NRG3: variants seen among roughly 807,000 people sequenced by gnomAD.
NRG3 encodes pro-neuregulin-3, membrane-bound isoform.
Under a neutral mutation model 66.9 loss-of-function variants are expected in NRG3, and 31 were observed. The ratio of observed to expected loss-of-function variants is 0.46; its 90% CI spans 0.35 to 0.63. The LOEUF is 0.63. Ranked by LOEUF, NRG3 falls within the 20% of genes least tolerant of loss-of-function variation. The pLI, the probability that NRG3 is intolerant of heterozygous loss-of-function variation, is 0.00. For missense variants in NRG3, 910 were observed against 878.9 expected (o/e 1.04, Z -0.45); for synonymous variants, 393 against 359.4 (o/e 1.09, Z -1.06).
intron 1 of NRG3, among the ~76,000 whole-genome samples, chr10:81,901,497 G>A (rs1163503860): frequency 4.6e-5 from 7 of 151,940 alleles, no homozygotes; most frequent in South Asian, 4.1e-4. Context: ...GCGAGATGCC[G>A]TCTCTACAAA....
intron 2 of NRG3, among the ~76,000 whole-genome samples, chr10:82,629,272 T>G (rs2049643555): frequency 6.6e-6 from 1 of 152,132 alleles, no homozygotes; most frequent in African/African-American, 2.4e-5. Context: ...TGAAGTCCAT[T>G]AAGGGATTCA....
At position 82,282,251 on chromosome 10, in the gene NRG3, TTTA is replaced by T. The variant is rs1404063745; in HGVS notation, c.824-76485_824-76483del. ...ACATTTTAATTTTGAAAACATTACATTTATTTATTTATTTATTTATTTATTTAT... is the reference window on the plus strand; with the variant it reads ...ACATTTTAATTTTGAAAACATTACATTTTATTTATTTATTTATTTATTTAT... On this transcript the variant is annotated intron_variant, in intron 1 of 8. Transcript: ENST00000372141. Among the ~76,000 whole-genome samples, 5 of 6,190 alleles carry T rather than the reference TTTA, an allele frequency of 8.1e-4. No homozygotes were observed. The African/African-American group carries it at 0.03, about 37-fold the overall frequency. 4.1% of individuals were successfully genotyped at this position (6,190 alleles called of 152,430 possible). A position where few individuals can be genotyped will look rare whatever the true frequency, so the allele number is the denominator to read the frequency against.
intron 1 of NRG3, among the ~76,000 whole-genome samples, chr10:82,002,716 C>T (rs750421249): frequency 6.6e-6 from 1 of 152,184 alleles, no homozygotes; most frequent in Admixed American, 6.5e-5. Flanking sequence ...TCACAAATAG[C>T]TGTCATACAA....
chr10:82,070,193 T>A (rs1480660270), intron 1 of NRG3, among the ~76,000 whole-genome samples: 1 of 152,120 alleles, frequency 6.6e-6, no homozygotes, highest in East Asian at 1.9e-4. Context: ...CAGAGTGATC[T>A]CCCTGTCTCC....
At chr10:82,969,288 T>C (rs920467621) in intron 6 of NRG3, among the ~76,000 whole-genome samples, 4 of 152,240 alleles carry the variant, frequency 2.6e-5, no homozygotes, top group Non-Finnish European at 5.9e-5. Context: ...ATATGTCTTT[T>C]ATATCCCTCA....
chr10:82,205,833 C>T (rs2133559472), intron 1 of NRG3, among the ~76,000 whole-genome samples: 1 of 152,308 alleles, frequency 6.6e-6, no homozygotes, highest in East Asian at 1.9e-4. Flanking sequence ...CACATGTACT[C>T]CTTCAACTCC....
rs1398137062 is a variant in NRG3 at position 82,193,413 on chromosome 10, G to A, written c.824-165326G>A. ...CTGCCTCGACCTCCCAAAGTGCTGG[G>A]ATTACAGAAGTGAGCTACAATGCCA... is the stretch of plus-strand genomic sequence containing the variant. On this transcript the variant is annotated intron_variant, in intron 1 of 8. Transcript: ENST00000372141. Among the ~76,000 whole-genome samples, 3 of 152,270 alleles carry A rather than the reference G, an allele frequency of 2.0e-5. No homozygotes were observed. In the East Asian group the frequency reaches 5.8e-4, roughly 29 times the overall value.
intron 1 of NRG3, among the ~76,000 whole-genome samples, chr10:81,995,728 A>G (rs1246496058): frequency 6.6e-6 from 1 of 152,142 alleles, no homozygotes; most frequent in Non-Finnish European, 1.5e-5. Context: ...GTTGGGGTGA[A>G]TGATAGACCA....
chr10:82,913,796 G>C, intron 4 of NRG3, among the ~76,000 whole-genome samples: 1 of 152,204 alleles, frequency 6.6e-6, no homozygotes, highest in East Asian at 1.9e-4. Flanking sequence ...TATTTTCCAT[G>C]GTTGGTATTC....
chr10:82,224,625 A>G (rs1331076884), intron 1 of NRG3, among the ~76,000 whole-genome samples: 1 of 152,208 alleles, frequency 6.6e-6, no homozygotes, highest in Non-Finnish European at 1.5e-5. Flanking sequence ...ATGATGCAAG[A>G]CATGAAAAGC....
chr10:82,104,529 G>C (rs1200433726), intron 1 of NRG3, among the ~76,000 whole-genome samples: 1 of 152,246 alleles, frequency 6.6e-6, no homozygotes, highest in South Asian at 2.1e-4. Context: ...CAGTAAAACT[G>C]TTCTTAGACA....
At chr10:82,164,639 AG>A (rs1564623592) in intron 1 of NRG3, among the ~76,000 whole-genome samples, 2 of 152,246 alleles carry the variant, frequency 1.3e-5, no homozygotes, top group Non-Finnish European at 1.5e-5. Context: ...TGCAAGTAGC[AG>A]GGGGGAGATT....
chr10:81,884,440 G>T (rs1292071877), intron 1 of NRG3, among the ~76,000 whole-genome samples: 1 of 152,090 alleles, frequency 6.6e-6, no homozygotes, highest in Non-Finnish European at 1.5e-5. Context: ...TTTAAGTTTT[G>T]TTGATATGTA....
intron 1 of NRG3, among the ~76,000 whole-genome samples, chr10:81,924,037 A>T (rs1846525882): frequency 6.6e-6 from 1 of 152,222 alleles, no homozygotes; most frequent in South Asian, 2.1e-4. Flanking sequence ...TGGACAGGAT[A>T]CAGGCAGGTG....
chr10:82,538,028 A>T (rs2043278548), intron 2 of NRG3, among the ~76,000 whole-genome samples: 1 of 152,172 alleles, frequency 6.6e-6, no homozygotes, highest in African/African-American at 2.4e-5. Flanking sequence ...GGAATTTATG[A>T]GGAAAGAATG....
chr10:82,059,843 C>G (rs1457088270), intron 1 of NRG3, among the ~76,000 whole-genome samples: 1 of 152,148 alleles, frequency 6.6e-6, no homozygotes, highest in Non-Finnish European at 1.5e-5. Flanking sequence ...CCTTCATGTC[C>G]TAGGTACCAC....
intron 1 of NRG3, among the ~76,000 whole-genome samples, chr10:81,894,538 C>T (rs1195711521): frequency 2.0e-5 from 3 of 152,058 alleles, no homozygotes; most frequent in African/African-American, 7.2e-5. Flanking sequence ...AATACAGTCA[C>T]CTTTTGAGGC....
intron 2 of NRG3, among the ~76,000 whole-genome samples, chr10:82,626,429 T>C (rs1042781569): frequency 3.3e-5 from 5 of 152,050 alleles, no homozygotes; most frequent in African/African-American, 1.2e-4. Flanking sequence ...ATGAAGAGTG[T>C]TTTGAACCTG....
chr10:82,215,554 C>T (rs1934307961), intron 1 of NRG3, among the ~76,000 whole-genome samples: 1 of 152,114 alleles, frequency 6.6e-6, no homozygotes, highest in Non-Finnish European at 1.5e-5. Context: ...TCTGCAGAAT[C>T]ATCTTCTGTT....
Sources: allele counts gnomAD v4.1 joint callset (sites outside exome capture counted in the v4.1 genomes callset), GRCh38; gene constraint gnomAD v4.1.1; transcripts MANE v1.5; gene names NCBI Gene and HGNC (gene_info 2026-07-23, HGNC 2026-07-21).